Variants in ADAMTSL1 observed in about 807,000 individuals in gnomAD.
The protein encoded by ADAMTSL1 is ADAMTS like 1.
ADAMTSL1 carries 126 observed loss-of-function variants against 201.8 expected under a neutral mutation model. The observed-to-expected ratio is 0.62, with a 90% CI of 0.54 to 0.72. The LOEUF (loss-of-function observed/expected upper bound fraction) is 0.72, where lower values mean the gene tolerates loss of function less well. Among genes scored for constraint, ADAMTSL1 ranks in the 30% least tolerant of loss-of-function variants. The probability of loss-of-function intolerance (pLI) is 0.00; values close to 1 mark genes in which losing one functional copy is unlikely to be tolerated. For missense variants in ADAMTSL1, 2,679 were observed against 2,277.8 expected, an observed-to-expected ratio of 1.18 and a Z score of -3.59; for synonymous variants, 1,121 against 903.4, an observed-to-expected ratio of 1.24 and a Z score of -4.32.
At chr9:18,688,526 G>A (rs551642043) in intron 13 of ADAMTSL1, among the ~76,000 whole-genome samples, 67 of 150,046 alleles carry the variant, frequency 4.5e-4, no homozygotes, top group Admixed American at 3.3e-3. Flanking sequence ...AACTTAGCCA[G>A]GCATGGTGGT....
chr9:18,607,307 T>G (rs1212542671), intron 4 of ADAMTSL1, among the ~76,000 whole-genome samples: 2 of 152,168 alleles, frequency 1.3e-5, no homozygotes, highest in African/African-American at 4.8e-5. Flanking sequence ...AGGTCAACAC[T>G]CTGCCAAGAA....
intron 1 of ADAMTSL1, among the ~76,000 whole-genome samples, chr9:18,017,518 C>G (rs1050774264): frequency 6.6e-6 from 1 of 151,982 alleles, no homozygotes. Flanking sequence ...CCCCTCTACT[C>G]ATGGAGTCCT....
At position 17,964,557 on chromosome 9, in the gene ADAMTSL1, A is replaced by G. The variant is rs551362824; in HGVS notation, c.87+57635A>G. ...TACATGAACATACTCACATAACAAA[A>G]CTGTGTTTAACTAAATATACACATA... On this transcript the variant is annotated intron_variant, in intron 1 of 29. Transcript: ENST00000680146. Among the ~76,000 whole-genome samples, 120 of 112,292 alleles carry G rather than the reference A, an allele frequency of 1.1e-3. 1 individual carries two copies. The highest frequency in any genetic ancestry group is 2.7e-3 in the South Asian group (8 of 2,994). 73.7% of individuals were successfully genotyped at this position (112,292 alleles called of 152,430 possible).
chr9:18,057,154 T>G (rs1184331851), intron 1 of ADAMTSL1, among the ~76,000 whole-genome samples: 1 of 152,180 alleles, frequency 6.6e-6, no homozygotes, highest in Non-Finnish European at 1.5e-5. Flanking sequence ...TTCTAGTATG[T>G]GGTCTTTTCT....
chr9:18,161,114 A>G (rs1827370453), intron 1 of ADAMTSL1, among the ~76,000 whole-genome samples: 2 of 151,984 alleles, frequency 1.3e-5, no homozygotes, highest in Admixed American at 1.3e-4. Flanking sequence ...CTTGGGAAAT[A>G]CAAGCAGGCA....
chr9:18,723,249 A>G, intron 15 of ADAMTSL1: 1 of 618,780 alleles, frequency 1.6e-6, no homozygotes. Flanking sequence ...TTAAACAGCT[A>G]CTCCTGCTGC....
At chr9:18,587,040 G>A (rs1823545555) in intron 4 of ADAMTSL1, among the ~76,000 whole-genome samples, 1 of 152,050 alleles carries the variant, frequency 6.6e-6, no homozygotes. Flanking sequence ...ATAGGAACTG[G>A]CAAATATTTC....
intron 2 of ADAMTSL1, among the ~76,000 whole-genome samples, chr9:18,208,841 T>C (rs533115732): frequency 6.0e-4 from 92 of 152,298 alleles, no homozygotes; most frequent in African/African-American, 2.0e-3. Flanking sequence ...GATTAATGTT[T>C]AACTTTACCT....
At chr9:17,957,015 T>C (rs1437453414) in intron 1 of ADAMTSL1, among the ~76,000 whole-genome samples, 1 of 152,160 alleles carries the variant, frequency 6.6e-6, no homozygotes, top group Admixed American at 6.5e-5. Flanking sequence ...GGCATAGCTA[T>C]CTCATGATTC....
intron 2 of ADAMTSL1, among the ~76,000 whole-genome samples, chr9:18,227,179 T>G (rs1336030770): frequency 2.6e-5 from 4 of 152,300 alleles, no homozygotes; most frequent in Admixed American, 2.0e-4. Context: ...AATTCTCCTC[T>G]AATCCCTCAT....
chr9:18,899,085 C>A (rs1452096466), intron 26 of ADAMTSL1, among the ~76,000 whole-genome samples: 2 of 152,160 alleles, frequency 1.3e-5, no homozygotes, highest in Non-Finnish European at 2.9e-5. Context: ...AGCTGATAAG[C>A]AACTTCAGCA....
rs909074428 is a variant in ADAMTSL1, at chr9:18,829,832, C to A, written c.4115-11C>A. ...TTTAACCTGCCTGATCCACCCTCTG[C>A]CTTCTCACAGATCCCCCCCAAGTCC... On this transcript the variant is annotated splice_polypyrimidine_tract_variant and intron_variant, in intron 22 of 28. Transcript: ENST00000380548. 7.4e-6 allele frequency: 12 copies of A among 1,613,858 alleles called. No homozygotes were observed. Among genetic ancestry groups the A allele is most frequent in the Non-Finnish European group, 1.0e-5 (12 of 1,179,806 alleles).
At chr9:18,775,538 C>T (rs1276190248) in intron 17 of ADAMTSL1, among the ~76,000 whole-genome samples, 1 of 152,128 alleles carries the variant, frequency 6.6e-6, no homozygotes, top group Non-Finnish European at 1.5e-5. Context: ...CTTCAGGAAA[C>T]CTCAGAGTAG....
At chr9:18,803,223 G>A (rs1822910821) in intron 20 of ADAMTSL1, among the ~76,000 whole-genome samples, 1 of 152,184 alleles carries the variant, frequency 6.6e-6, no homozygotes, top group Non-Finnish European at 1.5e-5. Context: ...CATTTGAGTT[G>A]TTGGCAGAAT....
intron 7 of ADAMTSL1, 138 bp from the exon 8 acceptor site, chr9:18,657,501 A>G (rs1828767545): frequency 4.8e-6 from 3 of 622,752 alleles, no homozygotes; most frequent in Non-Finnish European, 8.6e-6. Context: ...TGATACTGCC[A>G]TTGCCACTTC....
chr9:18,587,003 G>A (rs1000701118), intron 4 of ADAMTSL1, among the ~76,000 whole-genome samples: 1 of 152,012 alleles, frequency 6.6e-6, no homozygotes, highest in Admixed American at 6.6e-5. Flanking sequence ...AACTGTGGAA[G>A]ACAACGTAGG....
At chr9:18,432,767 A>T (rs564314203) in intron 2 of ADAMTSL1, among the ~76,000 whole-genome samples, 15 of 152,298 alleles carry the variant, frequency 9.8e-5, no homozygotes, top group African/African-American at 3.6e-4. Context: ...ATCAAGTGTG[A>T]CAACATATGT....
rs144222013 is a variant in ADAMTSL1 at position 18,415,241 on chromosome 9, C to T, written c.208-89588C>T. Reference sequence around the variant, plus strand: ...AAAAAGGAGCAAAATCAACCCATCACAACCACCCCAGAATTGTCACAGATG... The same window carrying T: ...AAAAAGGAGCAAAATCAACCCATCATAACCACCCCAGAATTGTCACAGATG... On this transcript the variant is annotated intron_variant, in intron 2 of 29. Coordinates refer to the ADAMTSL1 transcript ENST00000680146. Among the ~76,000 whole-genome samples the T allele has an allele frequency of 4.4e-4, 67 of 152,264 alleles. 3 individuals are homozygous for T. In the East Asian group the frequency reaches 0.013, roughly 29 times the overall value.
chr9:18,378,643 C>T (rs1231356653), intron 2 of ADAMTSL1, among the ~76,000 whole-genome samples: 2 of 152,142 alleles, frequency 1.3e-5, no homozygotes, highest in Non-Finnish European at 2.9e-5. Flanking sequence ...TCTACCTACC[C>T]TTATCAGCTT....
Sources: gnomAD v4.1 joint callset for allele counts (sites outside exome capture counted in the v4.1 genomes callset) on GRCh38, gnomAD v4.1.1 for gene constraint, MANE v1.5 for transcripts, NCBI Gene and HGNC (gene_info 2026-07-23, HGNC 2026-07-21) for gene names.